The following POP1 variants were observed in gnomAD, a reference collection of about 807,000 sequenced individuals.
The protein encoded by POP1 is ribonucleases P/MRP protein subunit POP1.
Under a neutral mutation model 102.2 loss-of-function variants are expected in POP1, and 75 were observed. The observed-to-expected ratio is 0.73, with a 90% CI of 0.61 to 0.89. The LOEUF is 0.89. POP1 is among the 40% of genes least tolerant of loss of function. The probability of loss-of-function intolerance (pLI) is 0.00; values close to 1 mark genes in which losing one functional copy is unlikely to be tolerated. For missense variants in POP1, 1,116 were observed against 1,267.4 expected (o/e 0.88, Z 1.81); for synonymous variants, 436 against 464.1 (o/e 0.94, Z 0.78).
chr8:98,153,499 T>C (rs1809569137), intron 14 of POP1, among the ~76,000 whole-genome samples: 1 of 149,084 alleles, frequency 6.7e-6, no homozygotes, highest in Admixed American at 6.7e-5. Context: ...TTTCTTTGGC[T>C]ATCTTCCAAC....
At chr8:98,145,556 C>CTA (rs1563781474) in intron 11 of POP1, among the ~76,000 whole-genome samples, 13 of 152,056 alleles carry the variant, frequency 8.5e-5, no homozygotes, top group Non-Finnish European at 1.9e-4. Flanking sequence ...CTTTCTAGCA[C>CTA]GGTACAGCTT....
rs1361926253 is a variant in POP1, at chr8:98,156,246, A to C, written c.2254A>C (p.Thr752Pro). Residue 752 changes from threonine to proline, a missense_variant, in exon 15 of 16, where the codon ACT becomes CCT. Thr to Pro is a conservative substitution (Grantham distance 38, BLOSUM62 -1). Coordinates refer to ENST00000401707, the MANE Select transcript of POP1 (RefSeq NM_001145860.2). ...GCCTTGTGCTCCCATGCCTAAAAAA[A>C]CTCATCAGCCATCTGATGAAGTGGG... ...EVPCAPMPKKTHQPSDEVGTS... is the reference protein window; with the variant it reads ...EVPCAPMPKKPHQPSDEVGTS... The C allele has an allele frequency of 6.2e-7, 1 of 1,614,004 alleles. No individual in the cohort carries two copies. The highest frequency in any genetic ancestry group is 1.1e-5 in the South Asian group (1 of 91,064).
At chr8:98,148,670 A>T (rs1347208779) in intron 12 of POP1, 145 bp from the exon 13 acceptor site, 1 of 761,252 alleles carries the variant, frequency 1.3e-6, no homozygotes, top group East Asian at 2.7e-5. Context: ...TATACTTAAA[A>T]TGGCTCACAT....
rs191709730 is a variant in POP1 at position 98,136,954 on chromosome 8, T to C, written c.1362T>C (p.Thr454=). The C allele has an allele frequency of 4.1e-5, 65 of 1,593,420 alleles. No homozygotes were observed. In the African/African-American group the frequency reaches 7.2e-4, roughly 18 times the overall value. The stretch of plus-strand genomic sequence containing the variant: ...CAATAAAAGCTGCTTCTGTCCACAC[T>C]GTAAGAGTAAAAGTGACTGTAGTGT... ...TEAIKAASVH[T]VGEDTEETPH... is the part of the protein sequence containing the mutation. The change falls in exon 9 of 16, where the codon ACT becomes ACC. Residue 454 remains threonine (T), a splice_region_variant and synonymous_variant. Transcript: ENST00000401707.
Position 98,136,843 on chromosome 8 carries a change from A to G in POP1, c.1269-18A>G, listed in dbSNP as rs1563776935. On this transcript the variant is annotated intron_variant, in intron 8 of 15. Coordinates refer to ENST00000401707, the MANE Select transcript of POP1 (RefSeq NM_001145860.2). ...GTGTGATGAAAGTTTCCATTTTAAGATGTTCTTTCTTTTTCAGCGATTTGA... is the reference window on the plus strand; with the variant it reads ...GTGTGATGAAAGTTTCCATTTTAAGGTGTTCTTTCTTTTTCAGCGATTTGA... 1.2e-6 allele frequency: 2 copies of G among 1,611,730 alleles called. No individual in the cohort carries two copies. Among genetic ancestry groups the G allele is most frequent in the South Asian group, 1.1e-5 (1 of 91,028 alleles).
chr8:98,141,041 G>T (rs541243574), intron 11 of POP1, among the ~76,000 whole-genome samples, 153 bp downstream of exon 11: 1 of 152,172 alleles, frequency 6.6e-6, no homozygotes, highest in Admixed American at 6.5e-5. Context: ...AGCTGATTAT[G>T]ATCTAAGGAA....
chr8:98,143,951 C>T (rs1292319502), intron 11 of POP1, among the ~76,000 whole-genome samples: 1 of 151,278 alleles, frequency 6.6e-6, no homozygotes, highest in Non-Finnish European at 1.5e-5. Context: ...GTCAGGAGTT[C>T]GAGACCAGCT....
intron 9 of POP1, among the ~76,000 whole-genome samples, chr8:98,139,648 C>T (rs962592806): frequency 7.9e-5 from 12 of 152,106 alleles, no homozygotes; most frequent in African/African-American, 2.7e-4. Flanking sequence ...GTGGGAGGAT[C>T]ACTTGAGCCT....
chr8:98,143,842 A>C (rs1816772188), intron 11 of POP1, among the ~76,000 whole-genome samples: 1 of 152,188 alleles, frequency 6.6e-6, no homozygotes, highest in Non-Finnish European at 1.5e-5. Flanking sequence ...TCTTTCACTT[A>C]GTAATATGCA....
intron 9 of POP1, among the ~76,000 whole-genome samples, chr8:98,139,537 A>G (rs1816646687): frequency 6.6e-6 from 1 of 152,180 alleles, no homozygotes; most frequent in South Asian, 2.1e-4. Context: ...CCTGGGCACC[A>G]TAGTGAGACC....
intron 1 of POP1, among the ~76,000 whole-genome samples, chr8:98,121,046 G>A (rs189910956): frequency 1.9e-4 from 29 of 152,310 alleles, no homozygotes; most frequent in African/African-American, 6.3e-4. Context: ...GCCTCCCATA[G>A]TGCTGGGATT....
At chr8:98,139,833 T>C (rs1273597047) in intron 9 of POP1, among the ~76,000 whole-genome samples, 1 of 152,228 alleles carries the variant, frequency 6.6e-6, no homozygotes, top group Non-Finnish European at 1.5e-5. Context: ...AAACCATAGA[T>C]GATTTTCTTC....
rs1362963666 is a variant in POP1, at chr8:98,156,421, C to T, written c.2420+9C>T. ...CACCTCTGCGTTCTCAGGTAAGTGT[C>T]GGTGACTTCTGGGTACATTTTGGAT... On this transcript the variant is annotated intron_variant, in intron 15 of 15. Coordinates refer to ENST00000401707, the MANE Select transcript of POP1 (RefSeq NM_001145860.2). The T allele has an allele frequency of 2.0e-5, 32 of 1,613,284 alleles. No homozygotes were observed. Among genetic ancestry groups the T allele is most frequent in the East Asian group, 4.5e-5 (2 of 44,890 alleles).
chr8:98,154,745 A>T (rs2130633360), intron 14 of POP1, among the ~76,000 whole-genome samples: 1 of 152,318 alleles, frequency 6.6e-6, no homozygotes, highest in East Asian at 1.9e-4. Flanking sequence ...AAAGACAATC[A>T]AAATGTCCTT....
At chr8:98,155,955 G>GTT in intron 14 of POP1, 95 bp from the exon 15 acceptor site, 2 of 990,712 alleles carry the variant, frequency 2.0e-6, no homozygotes, top group Non-Finnish European at 3.1e-6. Context: ...GTGTGTGTGT[G>GTT]TTTTAAAATA....
Position 98,137,089 on chromosome 8 carries a change from T to C in POP1, c.1362+135T>C, listed in dbSNP as rs1816569409. The C allele has an allele frequency of 7.9e-6, 6 of 762,642 alleles. No homozygotes were observed. In the Admixed American group the frequency reaches 1.5e-4, roughly 19 times the overall value. The allele number at this position is 762,642 out of a possible 1,614,324, so 47.2% of individuals were successfully genotyped here. ...TTATTTCCCTACTTATTATGCTTAT[T>C]ATCAAAGATTTTGTTATCTTTCACT... On this transcript the variant is annotated intron_variant, in intron 9 of 15. Coordinates refer to ENST00000401707, the MANE Select transcript of POP1 (RefSeq NM_001145860.2).
intron 14 of POP1, among the ~76,000 whole-genome samples, chr8:98,151,659 T>C (rs894075062): frequency 4.6e-5 from 7 of 151,882 alleles, no homozygotes; most frequent in African/African-American, 1.7e-4. Flanking sequence ...TCCTTGATGG[T>C]GAGCTTCATG....
chr8:98,139,447 C>T (rs539508911), intron 9 of POP1, among the ~76,000 whole-genome samples: 7 of 152,220 alleles, frequency 4.6e-5, no homozygotes, highest in Admixed American at 1.3e-4. Context: ...GAGGACCAGG[C>T]GTGTGGCTCA....
In POP1 at chr8:98,156,074, C is replaced by G; in HGVS notation, c.2082C>G (p.Asn694Lys). The change falls in exon 15 of 16, where the codon AAC becomes AAG. Residue 694 changes from asparagine to lysine, a missense_variant. Physicochemically the swap from Asn to Lys is moderately conservative, Grantham distance 94. Transcript: ENST00000401707. ...YKRRPPAKRP[N>K]YVKLGTLAPF... Reference sequence around the variant, plus strand: ...GACGCCCTCCTGCAAAACGGCCCAACTACGTTAAGCTTGGCACTCTGGCAC... The same window carrying G: ...GACGCCCTCCTGCAAAACGGCCCAAGTACGTTAAGCTTGGCACTCTGGCAC... 1 of 1,613,880 alleles carries G rather than the reference C, an allele frequency of 6.2e-7. No homozygotes were observed. Among genetic ancestry groups the G allele is most frequent in the South Asian group, 1.1e-5 (1 of 91,074 alleles).
Sources: gnomAD v4.1 joint callset for allele counts (sites outside exome capture counted in the v4.1 genomes callset) on GRCh38, gnomAD v4.1.1 for gene constraint, MANE v1.5 for transcripts, NCBI Gene and HGNC (gene_info 2026-07-23, HGNC 2026-07-21) for gene names.